RTN1: variants seen among roughly 807,000 people sequenced by gnomAD.
RTN1 encodes the protein reticulon 1, also known as reticulon-1.
In RTN1, 25 loss-of-function variants were observed where a neutral mutation model predicts 65.5. That is an observed-to-expected ratio of 0.38 (90% CI 0.28 to 0.53). RTN1 has a LOEUF of 0.53. Among genes scored for constraint, RTN1 ranks in the 20% least tolerant of loss-of-function variants. The pLI, the probability that RTN1 is intolerant of heterozygous loss-of-function variation, is 0.79. For missense variants in RTN1, 983 were observed against 1,025.4 expected (o/e 0.96, Z 0.57); for synonymous variants, 471 against 447.6 (o/e 1.05, Z -0.66).
intron 6 of RTN1, 37 bp from the exon 7 acceptor site, chr14:59,603,295 G>T: frequency 6.5e-7 from 1 of 1,544,722 alleles, no homozygotes; most frequent in Non-Finnish European, 8.9e-7. Context: ...AAAATTCTGA[G>T]TTATCAATAA....
intron 3 of RTN1, among the ~76,000 whole-genome samples, chr14:59,722,675 T>C (rs2139470105): frequency 6.6e-6 from 1 of 151,824 alleles, no homozygotes; most frequent in South Asian, 2.1e-4. Flanking sequence ...AAAAACTATA[T>C]ATTCCTGAAT....
At position 59,806,708 on chromosome 14, in the gene RTN1, C is replaced by A. The variant is rs191837487; in HGVS notation, c.242-60227G>T. ...TTTGGCTCTTACTTATAAGTGAGAA[C>A]ATGTAGTATTTGGTTTTCTGTTCCT... On this transcript the variant is annotated intron_variant, in intron 1 of 8. Coordinates refer to ENST00000267484, the MANE Select transcript of RTN1 (RefSeq NM_021136.3). 5.0e-4 allele frequency among the ~76,000 whole-genome samples: 76 copies of A among 152,286 alleles called. 1 individual carries two copies. Among genetic ancestry groups the A allele is most frequent in the African/African-American group, 1.8e-3 (75 of 41,576 alleles).
chr14:59,849,081 T>G lies in RTN1; in HGVS notation c.241+21309A>C, dbSNP rs1276730561. On this transcript the variant is annotated intron_variant, in intron 1 of 8. Transcript: ENST00000267484. The surrounding 1 kb of genome is among the most constrained non-coding windows in gnomAD (Gnocchi z 4.5). ...TGCTGGAAGACTCCTTTTCTATATGTAGTTTATGGCCTTGGTTGGAAACAA... is the reference window on the plus strand; with the variant it reads ...TGCTGGAAGACTCCTTTTCTATATGGAGTTTATGGCCTTGGTTGGAAACAA... Among the ~76,000 whole-genome samples the G allele has an allele frequency of 6.6e-6, 1 of 152,218 alleles. No individual in the cohort carries two copies. Among genetic ancestry groups the G allele is most frequent in the Non-Finnish European group, 1.5e-5 (1 of 68,034 alleles).
chr14:59,660,236 A>T lies in RTN1; in HGVS notation c.1766-52744T>A, dbSNP rs1594660178. Among the ~76,000 whole-genome samples the T allele has an allele frequency of 3.3e-5, 5 of 152,212 alleles. No homozygotes were observed. The South Asian group carries it at 1.0e-3, about 31-fold the overall frequency. On this transcript the variant is annotated intron_variant, in intron 3 of 8. Transcript: ENST00000267484. ...CCAATACAAGAGCACCCAGATTCAT[A>T]AAACAAGTTCTTAGAGACCTACAAA...
In RTN1 at chr14:59,624,856, GACAA is replaced by G. The variant is rs551758078; in HGVS notation, c.1766-17368_1766-17365del. ...TTAGGAGGATGAGAAATTTGCCTGT[GACAA>G]ACATTTAATTATTTTCAAAAAGAAA... On this transcript the variant is annotated intron_variant, in intron 3 of 8. Coordinates refer to ENST00000267484, the MANE Select transcript of RTN1 (RefSeq NM_021136.3). Among the ~76,000 whole-genome samples the G allele has an allele frequency of 6.2e-4, 94 of 152,282 alleles. 4 individuals carry two copies. The South Asian group carries it at 0.02, about 32-fold the overall frequency.
chr14:59,596,956 G>A (rs958503903), intron 8 of RTN1, among the ~76,000 whole-genome samples, 169 bp from the exon 9 acceptor site: 1 of 152,150 alleles, frequency 6.6e-6, no homozygotes, highest in African/African-American at 2.4e-5. Context: ...CAATAAGAAG[G>A]AAGTAAAAAC....
intron 3 of RTN1, among the ~76,000 whole-genome samples, chr14:59,624,531 A>G (rs2057248): frequency 0.38 from 56,600 of 150,364 alleles, 12,427 homozygotes; most frequent in Admixed American, 0.55. Context: ...GCGTGATCTC[A>G]GCTCACTGCA....
At chr14:59,792,376 C>G (rs1246548022) in intron 1 of RTN1, among the ~76,000 whole-genome samples, 1 of 151,636 alleles carries the variant, frequency 6.6e-6, no homozygotes, top group African/African-American at 2.4e-5. Context: ...CACACACACA[C>G]ACACACACAC....
intron 1 of RTN1, among the ~76,000 whole-genome samples, chr14:59,795,240 A>T (rs1444346006): frequency 6.6e-6 from 1 of 152,228 alleles, no homozygotes; most frequent in African/African-American, 2.4e-5. Flanking sequence ...GACATTAAAG[A>T]TTTAAAAAAA....
At chr14:59,826,353 T>C (rs992503879) in intron 1 of RTN1, among the ~76,000 whole-genome samples, 4 of 152,350 alleles carry the variant, frequency 2.6e-5, no homozygotes, top group East Asian at 1.9e-4. Context: ...TAAATGACAC[T>C]GTATATAAAA....
intron 4 of RTN1, among the ~76,000 whole-genome samples, chr14:59,607,029 T>A (rs1205393711): frequency 6.6e-6 from 1 of 152,248 alleles, no homozygotes; most frequent in Non-Finnish European, 1.5e-5. Flanking sequence ...TAAGTAATTG[T>A]TGGATTATGA....
intron 1 of RTN1, among the ~76,000 whole-genome samples, chr14:59,866,513 C>T (rs972441370): frequency 5.3e-5 from 8 of 149,718 alleles, no homozygotes; most frequent in African/African-American, 2.0e-4. Context: ...TAATATTTAT[C>T]AATGTATTTT....
In RTN1 at chr14:59,790,315, G is replaced by A. The variant is rs1286563219; in HGVS notation, c.242-43834C>T. Among the ~76,000 whole-genome samples, 1 of 151,636 alleles carries A rather than the reference G, an allele frequency of 6.6e-6. No individual in the cohort carries two copies. The highest frequency in any genetic ancestry group is 1.5e-5 in the Non-Finnish European group (1 of 67,870). ...CACACACCTCTAGGAAAAAAGTAGT[G>A]GGAAATATGGCAACACATTGATAGC... On this transcript the variant is annotated intron_variant, in intron 1 of 8. Transcript: ENST00000267484. This position sits in a 1 kb window ranked among gnomAD's most constrained non-coding sequence, Gnocchi z 4.1.
At chr14:59,677,649 A>T (rs1883655842) in intron 3 of RTN1, among the ~76,000 whole-genome samples, 1 of 152,222 alleles carries the variant, frequency 6.6e-6, no homozygotes, top group Admixed American at 6.5e-5. Context: ...GATGCAAAGA[A>T]CAGGCGTAAT....
chr14:59,839,199 T>C (rs1456944340), intron 1 of RTN1, among the ~76,000 whole-genome samples: 4 of 152,178 alleles, frequency 2.6e-5, no homozygotes, highest in Non-Finnish European at 4.4e-5. Context: ...TTTTGCTTTC[T>C]ACTATTTTTT....
chr14:59,754,088 CA>C (rs1404993583), intron 1 of RTN1, among the ~76,000 whole-genome samples: 1 of 152,008 alleles, frequency 6.6e-6, no homozygotes, highest in Non-Finnish European at 1.5e-5. Flanking sequence ...GTAATAACTT[CA>C]AAAAAGTACT....
At chr14:59,745,650 G>C (rs1885200291) in intron 2 of RTN1, 58 bp downstream of exon 2, 1 of 1,398,172 alleles carries the variant, frequency 7.2e-7, no homozygotes, top group South Asian at 1.4e-5. Flanking sequence ...ATTTGTTTTA[G>C]GGATTGAGAT....
At chr14:59,751,982 C>T (rs1047735785) in intron 1 of RTN1, among the ~76,000 whole-genome samples, 24 of 152,174 alleles carry the variant, frequency 1.6e-4, no homozygotes, top group Non-Finnish European at 3.2e-4. Flanking sequence ...ACTCACTTGA[C>T]CAGCTTTTCT....
At chr14:59,784,419 C>A (rs1207883588) in intron 1 of RTN1, among the ~76,000 whole-genome samples, 1 of 146,794 alleles carries the variant, frequency 6.8e-6, no homozygotes. Flanking sequence ...CCAGCCGGGG[C>A]AACAAGAGCG....
Sources: allele counts gnomAD v4.1 joint callset (sites outside exome capture counted in the v4.1 genomes callset), GRCh38; gene constraint gnomAD v4.1.1; non-coding constraint Gnocchi (gnomAD v3.1); transcripts MANE v1.5; gene names NCBI Gene and HGNC (gene_info 2026-07-23, HGNC 2026-07-21).